The following GPHN variants were observed in gnomAD, a reference collection of about 807,000 sequenced individuals.
GPHN encodes gephyrin.
In GPHN, 17 loss-of-function variants were observed where a neutral mutation model predicts 95.5. The observed-to-expected ratio is 0.18, with a 90% CI of 0.12 to 0.27. GPHN has a LOEUF of 0.27. GPHN is among the 10% of genes least tolerant of loss of function. The probability of loss-of-function intolerance (pLI) is 1.00; values close to 1 mark genes in which losing one functional copy is unlikely to be tolerated. For missense variants in GPHN, 660 were observed against 978.1 expected, an observed-to-expected ratio of 0.67 and a Z score of 4.34; for synonymous variants, 320 against 322.5, an observed-to-expected ratio of 0.99 and a Z score of 0.08.
chr14:67,196,418 C>T, the GPHN span, among the ~76,000 whole-genome samples: 155 of 151,996 alleles, frequency 1.0e-3, no homozygotes, highest in Non-Finnish European at 1.0e-3. Context: ...GATTTCACGA[C>T]GTTGGCCAGG....
the GPHN span, chr14:67,467,087 C>T: frequency 0.18 from 27,009 of 151,556 alleles, 2,543 homozygotes; most frequent in African/African-American, 0.23. Context: ...AGTGTCTCTT[C>T]CTGGAAGAAT....
intron 5 of GPHN, among the ~76,000 whole-genome samples, chr14:66,889,734 C>A (rs2064374977): frequency 6.6e-6 from 1 of 151,322 alleles, no homozygotes; most frequent in Admixed American, 6.6e-5. Context: ...AACCTAAACC[C>A]AAAGCTAGCA....
At chr14:67,466,214 T>C in the GPHN span, among the ~76,000 whole-genome samples, 2 of 152,264 alleles carry the variant, frequency 1.3e-5, no homozygotes, top group African/African-American at 4.8e-5. Flanking sequence ...GTTTGGAAGC[T>C]GTAATTGTGA....
chr14:67,067,654 G>A (rs1210914019), intron 11 of GPHN, among the ~76,000 whole-genome samples: 1 of 152,170 alleles, frequency 6.6e-6, no homozygotes, highest in African/African-American at 2.4e-5. Flanking sequence ...TCAAGCCTCA[G>A]CAATGGTGGA....
intron 8 of GPHN, among the ~76,000 whole-genome samples, chr14:66,943,576 G>A (rs1041993331): frequency 1.1e-4 from 17 of 152,248 alleles, no homozygotes; most frequent in Admixed American, 6.5e-5. Flanking sequence ...AATGACATCT[G>A]CTTTTTACCA....
the GPHN span, among the ~76,000 whole-genome samples, chr14:67,490,494 T>C: frequency 6.6e-6 from 1 of 152,248 alleles, no homozygotes; most frequent in Non-Finnish European, 1.5e-5. Flanking sequence ...ACTCCTGTTC[T>C]GTTATTTCTA....
At chr14:67,427,107 T>C in the GPHN span, among the ~76,000 whole-genome samples, 1 of 151,074 alleles carries the variant, frequency 6.6e-6, no homozygotes, top group Admixed American at 6.6e-5. Context: ...AGCCAGAGTG[T>C]ATTGTGTCAC....
At chr14:67,401,336 A>G in the GPHN span, among the ~76,000 whole-genome samples, 1 of 151,956 alleles carries the variant, frequency 6.6e-6, no homozygotes, top group African/African-American at 2.4e-5. Flanking sequence ...ATAAAAATAA[A>G]TAAATAAATA....
intron 1 of GPHN, among the ~76,000 whole-genome samples, chr14:66,660,555 G>A (rs1199943596): frequency 6.6e-6 from 1 of 151,204 alleles, no homozygotes; most frequent in African/African-American, 2.4e-5. Context: ...TTTTTTTCAT[G>A]TCTGAAGAGT....
At chr14:67,186,350 A>C (rs1157618239), downstream of GPHN, among the ~76,000 whole-genome samples, 1 of 152,242 alleles carries the variant, frequency 6.6e-6, no homozygotes, top group Non-Finnish European at 1.5e-5. Flanking sequence ...TGGTTGTGTC[A>C]GGATCCAGCC....
intron 10 of GPHN, among the ~76,000 whole-genome samples, chr14:67,046,615 CAGG>C (rs1414999621): frequency 1.3e-5 from 2 of 152,166 alleles, no homozygotes; most frequent in East Asian, 1.9e-4. Context: ...ACAGAAATCT[CAGG>C]AGAACTTCCA....
At chr14:66,909,857 T>G in intron 5 of GPHN, among the ~76,000 whole-genome samples, 1 of 151,910 alleles carries the variant, frequency 6.6e-6, no homozygotes, top group East Asian at 1.9e-4. Flanking sequence ...TCAGTAGTCT[T>G]TTAGAAGTAA....
chr14:66,951,174 C>T (rs187221332), intron 8 of GPHN, among the ~76,000 whole-genome samples: 14 of 152,150 alleles, frequency 9.2e-5, no homozygotes, highest in African/African-American at 3.1e-4. Context: ...GATCCACCCA[C>T]CTCGGCCTCC....
intron 1 of GPHN, among the ~76,000 whole-genome samples, chr14:66,671,286 A>G (rs561854842): frequency 6.6e-6 from 1 of 152,330 alleles, no homozygotes; most frequent in Non-Finnish European, 1.5e-5. Context: ...TAATGAAGAT[A>G]AGAAGTGGAA....
At chr14:66,940,920 C>G (rs1434580031) in intron 8 of GPHN, among the ~76,000 whole-genome samples, 1 of 152,174 alleles carries the variant, frequency 6.6e-6, no homozygotes, top group Non-Finnish European at 1.5e-5. Context: ...TAACTGTTGG[C>G]TATATTCATG....
chr14:67,653,543 C>A, the GPHN span: 1 of 1,547,088 alleles, frequency 6.5e-7, no homozygotes. Context: ...AAAAAGTATA[C>A]TCTGTACAAT....
At chr14:66,569,361 T>C (rs538329262) in intron 1 of GPHN, among the ~76,000 whole-genome samples, 4 of 152,278 alleles carry the variant, frequency 2.6e-5, no homozygotes, top group Non-Finnish European at 4.4e-5. Context: ...ACACACACCA[T>C]TGTGCTTTCT....
chr14:67,357,253 T>G, the GPHN span, among the ~76,000 whole-genome samples: 2 of 152,376 alleles, frequency 1.3e-5, no homozygotes, highest in South Asian at 4.1e-4. Context: ...AAGCTGCCAG[T>G]ATATTTTCTA....
At chr14:67,409,914 A>T in the GPHN span, among the ~76,000 whole-genome samples, 6 of 152,136 alleles carry the variant, frequency 3.9e-5, no homozygotes, top group East Asian at 1.2e-3. Context: ...TACTCAGCAG[A>T]CTGGGACCAC....
Sources: gnomAD v4.1 joint callset for allele counts (sites outside exome capture counted in the v4.1 genomes callset) on GRCh38, gnomAD v4.1.1 for gene constraint, MANE v1.5 for transcripts, NCBI Gene and HGNC (gene_info 2026-07-23, HGNC 2026-07-21) for gene names.